LINGO2: variants seen among roughly 807,000 people sequenced by gnomAD.
LINGO2 encodes leucine rich repeat and Ig domain containing 2.
LINGO2 carries 14 observed loss-of-function variants against 30.6 expected under a neutral mutation model. The ratio of observed to expected loss-of-function variants is 0.46; its 90% CI spans 0.30 to 0.72. The LOEUF (loss-of-function observed/expected upper bound fraction) is 0.72. Among genes scored for constraint, LINGO2 ranks in the 30% least tolerant of loss-of-function variants. LINGO2 has a pLI of 0.07. For missense variants in LINGO2, 729 were observed against 751.7 expected (o/e 0.97, Z 0.35); for synonymous variants, 317 against 288.5 (o/e 1.10, Z -1.00).
At chr9:28,639,199 T>C (rs1255078764) in intron 1 of LINGO2, among the ~76,000 whole-genome samples, 1 of 152,174 alleles carries the variant, frequency 6.6e-6, no homozygotes, top group Admixed American at 6.5e-5. Context: ...TTGTTATAAT[T>C]TCTGTTCTTT....
intron 4 of LINGO2, among the ~76,000 whole-genome samples, chr9:28,017,778 G>C (rs1484531492): frequency 6.6e-6 from 1 of 152,134 alleles, no homozygotes; most frequent in Non-Finnish European, 1.5e-5. Context: ...TAATGGCCAT[G>C]CTGCCCAAAG....
chr9:28,494,363 C>T (rs1041003524), intron 1 of LINGO2, among the ~76,000 whole-genome samples: 1 of 152,056 alleles, frequency 6.6e-6, no homozygotes, highest in Non-Finnish European at 1.5e-5. Context: ...GTTATCCCTC[C>T]TCCTTCCCCC....
At chr9:28,721,573 A>G in the LINGO2 span, among the ~76,000 whole-genome samples, 1 of 152,088 alleles carries the variant, frequency 6.6e-6, no homozygotes, top group East Asian at 1.9e-4. Context: ...AAAACCAAAC[A>G]CTGCATGTTC....
the LINGO2 span, among the ~76,000 whole-genome samples, chr9:29,105,499 C>T: frequency 2.0e-5 from 3 of 152,168 alleles, no homozygotes; most frequent in South Asian, 2.1e-4. Context: ...TACCAAAATC[C>T]GAGCAGTTTA....
chr9:28,582,365 A>C (rs1417776579), intron 1 of LINGO2, among the ~76,000 whole-genome samples: 1 of 152,118 alleles, frequency 6.6e-6, no homozygotes, highest in East Asian at 1.9e-4. Flanking sequence ...TGTAAAATTC[A>C]GTCAATCAGG....
chr9:28,746,946 A>T, the LINGO2 span, among the ~76,000 whole-genome samples: 1 of 152,180 alleles, frequency 6.6e-6, no homozygotes, highest in East Asian at 1.9e-4. Flanking sequence ...CTGAATGACT[A>T]TATGTCACAC....
intron 4 of LINGO2, among the ~76,000 whole-genome samples, chr9:28,249,447 G>A (rs550735825): frequency 1.3e-5 from 2 of 152,062 alleles, no homozygotes; most frequent in East Asian, 3.9e-4. Flanking sequence ...TAAGTGATTG[G>A]CAACAAGAAT....
intron 4 of LINGO2, among the ~76,000 whole-genome samples, chr9:28,266,443 A>C (rs1463464275): frequency 6.6e-6 from 1 of 152,026 alleles, no homozygotes; most frequent in Non-Finnish European, 1.5e-5. Context: ...TTTCCAGGGC[A>C]AACCCAGAAT....
chr9:29,025,798 C>T, the LINGO2 span, among the ~76,000 whole-genome samples: 2 of 152,180 alleles, frequency 1.3e-5, no homozygotes, highest in African/African-American at 4.8e-5. Flanking sequence ...ATCAACATCT[C>T]CCCCCTCTAC....
intron 4 of LINGO2, among the ~76,000 whole-genome samples, chr9:28,035,915 C>T (rs1823911568): frequency 6.6e-6 from 1 of 150,670 alleles, no homozygotes; most frequent in African/African-American, 2.5e-5. Context: ...CACACACACA[C>T]ATGCGCTAAT....
intron 1 of LINGO2, among the ~76,000 whole-genome samples, chr9:28,506,872 G>A (rs1177061565): frequency 6.6e-6 from 1 of 151,728 alleles, no homozygotes. Context: ...TTAACAGATT[G>A]ATTAAATCAT....
At position 28,663,552 on chromosome 9, in the gene LINGO2, C is replaced by G. The variant is rs77579641; in HGVS notation, c.-365+6648G>C. 9.1e-3 allele frequency among the ~76,000 whole-genome samples: 1,389 copies of G among 152,238 alleles called. 20 individuals are homozygous for G. The highest frequency in any genetic ancestry group is 0.029 in the African/African-American group (1,222 of 41,542). ...AGGCAAACAACAATTCACTGCAATT[C>G]AACTCTTACCATGAGCAAAATACTG... On this transcript the variant is annotated intron_variant, in intron 1 of 5. Transcript: ENST00000379992.
intron 4 of LINGO2, among the ~76,000 whole-genome samples, chr9:28,125,107 G>A (rs528324355): frequency 4.2e-4 from 64 of 152,302 alleles, no homozygotes; most frequent in African/African-American, 1.5e-3. Context: ...AACACAAAGT[G>A]AAGAGAACAT....
chr9:28,029,705 A>C (rs927564571), intron 4 of LINGO2, among the ~76,000 whole-genome samples: 9 of 152,222 alleles, frequency 5.9e-5, no homozygotes, highest in African/African-American at 2.2e-4. Context: ...TAATATGTGA[A>C]AATTGTTAGC....
At chr9:28,759,924 A>G in the LINGO2 span, among the ~76,000 whole-genome samples, 1 of 152,064 alleles carries the variant, frequency 6.6e-6, no homozygotes, top group South Asian at 2.1e-4. Flanking sequence ...ATTCAGTCCA[A>G]TAAACACCAT....
intron 3 of LINGO2, among the ~76,000 whole-genome samples, chr9:28,357,499 A>AAT (rs542777104): frequency 2.6e-5 from 4 of 152,092 alleles, no homozygotes; most frequent in Admixed American, 6.6e-5. Context: ...TTCACCCCAA[A>AAT]ATACAATCCT....
chr9:29,142,546 C>G, the LINGO2 span, among the ~76,000 whole-genome samples: 1 of 151,570 alleles, frequency 6.6e-6, no homozygotes, highest in Admixed American at 6.6e-5. Flanking sequence ...AAAAAGATAA[C>G]AACCATTAAA....
rs76786723 is a variant in LINGO2, at chr9:28,035,519, T to G, written c.-86-23114A>C. Among the ~76,000 whole-genome samples, 1,069 of 152,344 alleles carry G rather than the reference T, an allele frequency of 7.0e-3. 10 individuals carry two copies. The highest frequency in any genetic ancestry group is 0.022 in the African/African-American group (900 of 41,572). On this transcript the variant is annotated intron_variant, in intron 4 of 5. Transcript: ENST00000379992. ...TATTAACTGAAATGAAATAGTCGAA[T>G]TTTTGGTAAATGTAACAATTTGATA... is the stretch of plus-strand genomic sequence containing the variant.
At chr9:28,397,679 C>G (rs1464136068) in intron 2 of LINGO2, among the ~76,000 whole-genome samples, 2 of 151,652 alleles carry the variant, frequency 1.3e-5, no homozygotes, top group Non-Finnish European at 2.9e-5. Context: ...TCCCGAGTAG[C>G]TGGGACTACA....
Sources: allele counts gnomAD v4.1 joint callset (sites outside exome capture counted in the v4.1 genomes callset), GRCh38; gene constraint gnomAD v4.1.1; transcripts MANE v1.5; gene names NCBI Gene and HGNC (gene_info 2026-07-23, HGNC 2026-07-21).